Variants in SORCS3 observed in about 807,000 individuals in gnomAD.
SORCS3 encodes the protein sortilin related VPS10 domain containing receptor 3.
SORCS3 carries 57 observed loss-of-function variants against 146.3 expected under a neutral mutation model. The observed-to-expected ratio is 0.39, with a 90% CI of 0.31 to 0.49. The LOEUF (loss-of-function observed/expected upper bound fraction) is 0.49, where lower values mean the gene tolerates loss of function less well. SORCS3 is among the 20% of genes least tolerant of loss of function. The probability of loss-of-function intolerance (pLI) is 0.92; values close to 1 mark genes in which losing one functional copy is unlikely to be tolerated. For synonymous variants in SORCS3, 653 were observed against 618.5 expected (o/e 1.06, Z -0.83); for missense variants, 1,341 against 1,575.5 (o/e 0.85, Z 2.52).
In SORCS3 at chr10:105,227,985, TTGTGTGTGTGTGTGTGTG is replaced by T. The variant is rs59033040; in HGVS notation, c.2868+4768_2868+4785del. ...TTGTAGGCAGCATATTGTGGTCATT[TTGTGTGTGTGTGTGTGTG>T]TGTGTGTGTGTGTGTGTGTGTGTGT... is the stretch of plus-strand genomic sequence containing the variant. On this transcript the variant is annotated intron_variant, in intron 20 of 26. Coordinates refer to ENST00000369701, the MANE Select transcript of SORCS3 (RefSeq NM_014978.3). Among the ~76,000 whole-genome samples, 1,051 of 128,918 alleles carry T rather than the reference TTGTGTGTGTGTGTGTGTG, an allele frequency of 8.2e-3. 15 individuals carry two copies. The highest frequency in any genetic ancestry group is 0.029 in the African/African-American group (984 of 34,090). 84.6% of individuals were successfully genotyped at this position (128,918 alleles called of 152,430 possible).
chr10:105,199,066 A>G (rs572875235), intron 14 of SORCS3, among the ~76,000 whole-genome samples: 1 of 152,254 alleles, frequency 6.6e-6, no homozygotes, highest in South Asian at 2.1e-4. Flanking sequence ...CAGGGCTGGT[A>G]GTGTGATTAA....
At chr10:104,961,257 A>C (rs1001963074) in intron 3 of SORCS3, among the ~76,000 whole-genome samples, 1 of 152,084 alleles carries the variant, frequency 6.6e-6, no homozygotes, top group Non-Finnish European at 1.5e-5. Flanking sequence ...ATTTCTGAAA[A>C]CCAAACACAC....
chr10:104,894,850 G>A (rs2018783416), intron 2 of SORCS3, among the ~76,000 whole-genome samples: 1 of 152,184 alleles, frequency 6.6e-6, no homozygotes, highest in Non-Finnish European at 1.5e-5. Context: ...GACGAGCTCA[G>A]TTTTAGTTAG....
chr10:104,865,731 C>A (rs550938822), intron 2 of SORCS3, among the ~76,000 whole-genome samples: 1 of 152,268 alleles, frequency 6.6e-6, no homozygotes, highest in East Asian at 1.9e-4. Context: ...CCAAAAGGGA[C>A]CTTAAAGAAA....
chr10:105,251,633 A>C (rs2056898984), intron 22 of SORCS3, among the ~76,000 whole-genome samples: 1 of 152,114 alleles, frequency 6.6e-6, no homozygotes, highest in Non-Finnish European at 1.5e-5. Flanking sequence ...CAAATTATAT[A>C]TTTGGATTGA....
chr10:105,052,698 T>C (rs2055421493), intron 5 of SORCS3, among the ~76,000 whole-genome samples: 1 of 152,014 alleles, frequency 6.6e-6, no homozygotes, highest in Non-Finnish European at 1.5e-5. Flanking sequence ...TTCACTTCCA[T>C]GAGCAGGAAT....
rs144159349 is a variant in SORCS3 at position 104,681,073 on chromosome 10, A to G, written c.627+39119A>G. Among the ~76,000 whole-genome samples the G allele has an allele frequency of 5.0e-3, 758 of 152,310 alleles. 8 individuals are homozygous for G. The highest frequency in any genetic ancestry group is 0.018 in the African/African-American group (733 of 41,572). ...TCCCGGGAAGAGGACCAGCTTGCGC[A>G]TGCGCTTGGGCGTAACACATGCCGG... On this transcript the variant is annotated intron_variant, in intron 1 of 26. Coordinates refer to ENST00000369701, the MANE Select transcript of SORCS3 (RefSeq NM_014978.3).
chr10:104,994,048 CTT>C (rs1184422350), intron 4 of SORCS3, among the ~76,000 whole-genome samples: 4 of 152,174 alleles, frequency 2.6e-5, no homozygotes, highest in African/African-American at 9.7e-5. Context: ...CAGCACATGT[CTT>C]TGAGAGTATC....
intron 4 of SORCS3, among the ~76,000 whole-genome samples, chr10:104,992,441 C>G (rs1215680809): frequency 6.6e-6 from 1 of 152,128 alleles, no homozygotes; most frequent in African/African-American, 2.4e-5. Flanking sequence ...TTTTTGTTCT[C>G]CCTTTGTATT....
chr10:104,683,357 A>T (rs991907020), intron 1 of SORCS3, among the ~76,000 whole-genome samples: 24 of 152,178 alleles, frequency 1.6e-4, no homozygotes, highest in Non-Finnish European at 2.6e-4. Flanking sequence ...TTGGATTCAG[A>T]TAGAGCAGAT....
intron 4 of SORCS3, among the ~76,000 whole-genome samples, chr10:105,025,039 C>T (rs920854871): frequency 2.0e-5 from 3 of 152,280 alleles, no homozygotes; most frequent in South Asian, 2.1e-4. Context: ...GATTTTGTCT[C>T]ATTTTTCCAT....
chr10:104,738,292 C>T (rs927193227), intron 1 of SORCS3, among the ~76,000 whole-genome samples: 5 of 152,074 alleles, frequency 3.3e-5, no homozygotes, highest in African/African-American at 7.2e-5. Flanking sequence ...TTTTCCCTTT[C>T]TTACTTGATA....
intron 1 of SORCS3, among the ~76,000 whole-genome samples, chr10:104,718,171 T>C (rs921767687): frequency 6.6e-6 from 1 of 151,492 alleles, no homozygotes; most frequent in Non-Finnish European, 1.5e-5. Flanking sequence ...AATAAATGAA[T>C]AAATAAATAA....
At chr10:104,917,196 A>G (rs893673507) in intron 3 of SORCS3, among the ~76,000 whole-genome samples, 1 of 152,098 alleles carries the variant, frequency 6.6e-6, no homozygotes, top group Non-Finnish European at 1.5e-5. Flanking sequence ...CTGTTTAGGC[A>G]CCTGTTATTG....
chr10:105,237,881 T>A (rs1212616995), intron 20 of SORCS3, among the ~76,000 whole-genome samples: 1 of 152,164 alleles, frequency 6.6e-6, no homozygotes, highest in African/African-American at 2.4e-5. Context: ...TATGGCTGTT[T>A]TATGTGTTTG....
At chr10:104,711,780 A>T (rs993077900) in intron 1 of SORCS3, among the ~76,000 whole-genome samples, 1 of 152,170 alleles carries the variant, frequency 6.6e-6, no homozygotes, top group African/African-American at 2.4e-5. Flanking sequence ...AGTCCAGGGT[A>T]TTGTGGCTCT....
intron 3 of SORCS3, among the ~76,000 whole-genome samples, chr10:104,963,953 T>C (rs2133637187): frequency 6.6e-6 from 1 of 152,260 alleles, no homozygotes; most frequent in Admixed American, 6.5e-5. Context: ...GCAGACCTTT[T>C]TAACTTTTCT....
rs116820961 is a variant in SORCS3 at position 105,064,219 on chromosome 10, G to T, written c.1028+21091G>T. ...ATTAAAGTTGTGATTACTAACTGTG[G>T]TAAGAGCAATTTAAGATGATTAAAG... On this transcript the variant is annotated intron_variant, in intron 5 of 26. Transcript: ENST00000369701. Among the ~76,000 whole-genome samples, 1,433 of 152,272 alleles carry T rather than the reference G, an allele frequency of 9.4e-3. 18 individuals carry two copies. The highest frequency in any genetic ancestry group is 0.032 in the African/African-American group (1,335 of 41,556).
Position 104,977,492 on chromosome 10 carries a change from A to C in SORCS3, c.953A>C (p.Lys318Thr). Residue 318 changes from lysine to threonine, a missense_variant and splice_region_variant, in exon 4 of 27, where the codon AAG becomes ACG. Lys to Thr is a moderately conservative substitution (Grantham distance 78). Transcript: ENST00000369701. ...DWVLAYSLDQ[K>T]LYSSMDFGRR... ...GTGCTGGCCTACAGTTTGGATCAAAAGGTGAATAAATACTATTTTCATTTA... is the reference window on the plus strand; with the variant it reads ...GTGCTGGCCTACAGTTTGGATCAAACGGTGAATAAATACTATTTTCATTTA... The C allele has an allele frequency of 6.2e-7, 1 of 1,601,224 alleles. No individual in the cohort carries two copies. Among genetic ancestry groups the C allele is most frequent in the Non-Finnish European group, 8.5e-7 (1 of 1,175,644 alleles).
Sources: gnomAD v4.1 joint callset for allele counts (sites outside exome capture counted in the v4.1 genomes callset) on GRCh38, gnomAD v4.1.1 for gene constraint, MANE v1.5 for transcripts, NCBI Gene and HGNC (gene_info 2026-07-23, HGNC 2026-07-21) for gene names.